The following GRIK4 variants were observed in gnomAD, a reference collection of about 807,000 sequenced individuals.
The protein encoded by GRIK4 is glutamate receptor ionotropic, kainate 4.
In GRIK4, 40 loss-of-function variants were observed where a neutral mutation model predicts 104.9. The observed-to-expected ratio is 0.38, with a 90% CI of 0.30 to 0.50. The LOEUF (loss-of-function observed/expected upper bound fraction) is 0.50. Ranked by LOEUF, GRIK4 falls within the 20% of genes least tolerant of loss-of-function variation. The pLI, the probability that GRIK4 is intolerant of heterozygous loss-of-function variation, is 0.93. For synonymous variants in GRIK4, 485 were observed against 524.9 expected, an observed-to-expected ratio of 0.92 and a Z score of 1.04; for missense variants, 1,047 against 1,308.1, an observed-to-expected ratio of 0.80 and a Z score of 3.08.
intron 8 of GRIK4, among the ~76,000 whole-genome samples, chr11:120,839,506 A>T (rs1452919435): frequency 1.3e-5 from 2 of 152,122 alleles, no homozygotes; most frequent in East Asian, 3.9e-4. Context: ...TCACAATACG[A>T]GTTTATTTAG....
intron 19 of GRIK4, among the ~76,000 whole-genome samples, chr11:120,972,802 A>G (rs2134767951): frequency 6.6e-6 from 1 of 152,232 alleles, no homozygotes; most frequent in East Asian, 1.9e-4. Flanking sequence ...TTGGCTGTGT[A>G]ATGGGCTTGT....
At chr11:120,656,823 C>T (rs1232086798) in intron 2 of GRIK4, among the ~76,000 whole-genome samples, 1 of 152,126 alleles carries the variant, frequency 6.6e-6, no homozygotes, top group Non-Finnish European at 1.5e-5. Flanking sequence ...CACTGCACTC[C>T]AGCCTGAGCG....
chr11:120,659,355 C>T (rs1335337083), intron 2 of GRIK4, among the ~76,000 whole-genome samples: 1 of 152,182 alleles, frequency 6.6e-6, no homozygotes, highest in East Asian at 1.9e-4. Context: ...TGTGTGTCTG[C>T]TCTCCATATT....
At chr11:120,669,729 C>A (rs1351033858) in intron 3 of GRIK4, among the ~76,000 whole-genome samples, 1 of 152,264 alleles carries the variant, frequency 6.6e-6, no homozygotes, top group Admixed American at 6.5e-5. Context: ...TTCTCAGTCT[C>A]CTTTGCTCGT....
At chr11:120,809,201 A>G (rs1952776676) in intron 4 of GRIK4, among the ~76,000 whole-genome samples, 1 of 152,214 alleles carries the variant, frequency 6.6e-6, no homozygotes, top group Admixed American at 6.5e-5. Flanking sequence ...TGGGCTTCTA[A>G]GGGGTCTCCA....
At chr11:120,698,956 A>G (rs1950504421) in intron 3 of GRIK4, among the ~76,000 whole-genome samples, 2 of 152,316 alleles carry the variant, frequency 1.3e-5, no homozygotes, top group Admixed American at 1.3e-4. Context: ...AGTGTCCTTC[A>G]TAAATGTTTC....
rs564273701 is a variant in GRIK4, at chr11:120,653,688, A to G, written c.-155A>G. On this transcript the variant is annotated 5_prime_UTR_variant, in exon 2 of 21. Transcript: ENST00000527524. ...TTGGACTCTTTTTTTATTCCAGCAG[A>G]TACTTTCTGAGTGCCTACTATGTGC... The G allele has an allele frequency of 2.0e-5, 3 of 152,294 alleles. No individual in the cohort carries two copies. Among genetic ancestry groups the G allele is most frequent in the African/African-American group, 2.4e-5 (1 of 41,558 alleles). The allele number at this position is 152,294 out of a possible 1,614,324, so 9.4% of individuals were successfully genotyped here.
chr11:120,708,813 CT>C (rs1950674074), intron 3 of GRIK4, among the ~76,000 whole-genome samples: 1 of 152,178 alleles, frequency 6.6e-6, no homozygotes, highest in Non-Finnish European at 1.5e-5. Flanking sequence ...GAGGCCAGGA[CT>C]GCTGCACAGA....
intron 18 of GRIK4, among the ~76,000 whole-genome samples, chr11:120,966,024 T>C (rs118146772): frequency 0.014 from 2,070 of 152,340 alleles, 25 homozygotes; most frequent in South Asian, 0.025. Context: ...TCCCAGCCTG[T>C]GCTGGGACAT....
At chr11:120,975,951 G>C (rs565100686) in intron 19 of GRIK4, among the ~76,000 whole-genome samples, 4 of 152,354 alleles carry the variant, frequency 2.6e-5, no homozygotes, top group Admixed American at 6.5e-5. Flanking sequence ...CAGGGTAACT[G>C]TAAGGATTGA....
At chr11:120,558,249 A>G (rs1948206384) in intron 1 of GRIK4, among the ~76,000 whole-genome samples, 2 of 152,110 alleles carry the variant, frequency 1.3e-5, no homozygotes, top group Non-Finnish European at 2.9e-5. Context: ...TCAGTACTAT[A>G]GTAGGTATTC....
At chr11:120,880,445 T>A (rs1406702039) in intron 11 of GRIK4, among the ~76,000 whole-genome samples, 1 of 152,194 alleles carries the variant, frequency 6.6e-6, no homozygotes, top group African/African-American at 2.4e-5. Flanking sequence ...GTATCTACAT[T>A]CATACAGCCA....
intron 1 of GRIK4, among the ~76,000 whole-genome samples, chr11:120,568,594 G>T (rs1272612303): frequency 6.6e-6 from 1 of 152,078 alleles, no homozygotes; most frequent in African/African-American, 2.4e-5. Flanking sequence ...CACCATGTCA[G>T]CCAGGCTGGT....
chr11:120,606,917 T>C (rs1948970249), intron 1 of GRIK4, among the ~76,000 whole-genome samples: 1 of 152,126 alleles, frequency 6.6e-6, no homozygotes, highest in Non-Finnish European at 1.5e-5. Flanking sequence ...CTATTCTGTA[T>C]GGCTGGGGAT....
chr11:120,872,196 G>C (rs1013946838), intron 9 of GRIK4: 5 of 307,816 alleles, frequency 1.6e-5, no homozygotes, highest in Non-Finnish European at 3.2e-5. Flanking sequence ...GGCAGGGACT[G>C]CTGCTTCTCT....
chr11:120,691,866 T>C (rs1950370237), intron 3 of GRIK4, among the ~76,000 whole-genome samples: 1 of 152,242 alleles, frequency 6.6e-6, no homozygotes, highest in Non-Finnish European at 1.5e-5. Flanking sequence ...ACTGCTGTAC[T>C]GTTGCCTGTT....
At chr11:120,666,178 CAT>C (rs370742647) in intron 3 of GRIK4, among the ~76,000 whole-genome samples, 2 of 152,230 alleles carry the variant, frequency 1.3e-5, no homozygotes, top group Non-Finnish European at 2.9e-5. Flanking sequence ...TTCTTACACA[CAT>C]GTTAATTCAC....
chr11:120,708,920 C>CT (rs35744686), intron 3 of GRIK4, among the ~76,000 whole-genome samples: 37,579 of 151,972 alleles, frequency 0.25, 6,329 homozygotes, highest in African/African-American at 0.48. Context: ...TGGCTGCTTT[C>CT]GATGGGCCAG....
chr11:120,627,958 A>G (rs1829720855), intron 1 of GRIK4, among the ~76,000 whole-genome samples: 1 of 152,248 alleles, frequency 6.6e-6, no homozygotes, highest in South Asian at 2.1e-4. Context: ...CCTGAGCCTC[A>G]GTTTCCTTAT....
Sources: gnomAD v4.1 joint callset for allele counts (sites outside exome capture counted in the v4.1 genomes callset) on GRCh38, gnomAD v4.1.1 for gene constraint, MANE v1.5 for transcripts, NCBI Gene and HGNC (gene_info 2026-07-23, HGNC 2026-07-21) for gene names.